The following WDR70 variants were observed in gnomAD, a reference collection of about 807,000 sequenced individuals.
The protein encoded by WDR70 is WD repeat-containing protein 70.
WDR70 carries 53 observed loss-of-function variants against 88.6 expected under a neutral mutation model. The ratio of observed to expected loss-of-function variants is 0.60; its 90% CI spans 0.48 to 0.75. The LOEUF (loss-of-function observed/expected upper bound fraction) is 0.75, where lower values mean the gene tolerates loss of function less well. Ranked by LOEUF, WDR70 falls within the 30% of genes least tolerant of loss-of-function variation. The pLI is 0.00. For missense variants in WDR70, 610 were observed against 823.2 expected, an observed-to-expected ratio of 0.74 and a Z score of 3.17; for synonymous variants, 280 against 270.0, an observed-to-expected ratio of 1.04 and a Z score of -0.36.
chr5:37,622,674 A>G (rs1219608228), intron 10 of WDR70, among the ~76,000 whole-genome samples: 2 of 149,982 alleles, frequency 1.3e-5, no homozygotes, highest in Non-Finnish European at 3.0e-5. Context: ...TCTCACTCAT[A>G]GGTGGGAATT....
intron 8 of WDR70, among the ~76,000 whole-genome samples, chr5:37,497,184 C>T (rs57424532): frequency 0.6 from 84,806 of 141,414 alleles, 26,914 homozygotes; most frequent in Non-Finnish European, 0.69. Context: ...CCTCCCTTCC[C>T]CCCTCACTCC....
chr5:37,641,012 A>G (rs558176561), intron 10 of WDR70, among the ~76,000 whole-genome samples: 76 of 152,218 alleles, frequency 5.0e-4, no homozygotes, highest in Non-Finnish European at 9.3e-4. Flanking sequence ...ATTCATTACA[A>G]GAAAACTGCT....
At chr5:37,452,720 C>G (rs573264960) in intron 7 of WDR70, among the ~76,000 whole-genome samples, 2 of 152,300 alleles carry the variant, frequency 1.3e-5, no homozygotes, top group South Asian at 4.1e-4. Context: ...AGTTTGTTGA[C>G]TGTCTTGAAG....
chr5:37,608,631 C>T (rs1477827437), intron 10 of WDR70, among the ~76,000 whole-genome samples: 1 of 151,966 alleles, frequency 6.6e-6, no homozygotes. Context: ...TTACAACTCA[C>T]TGTGTGGCCT....
At chr5:37,716,298 A>G (rs1339522988) in intron 13 of WDR70, among the ~76,000 whole-genome samples, 9 of 152,214 alleles carry the variant, frequency 5.9e-5, no homozygotes, top group African/African-American at 2.2e-4. Flanking sequence ...TGCATTGCAG[A>G]TCCCTAAGAT....
intron 9 of WDR70, among the ~76,000 whole-genome samples, chr5:37,525,719 T>C (rs751859758): frequency 9.2e-5 from 14 of 151,924 alleles, no homozygotes; most frequent in Non-Finnish European, 1.5e-5. Flanking sequence ...ATCAATAAAA[T>C]TGATAGACTG....
intron 13 of WDR70, among the ~76,000 whole-genome samples, chr5:37,705,900 CAT>C (rs1747308952): frequency 1.3e-5 from 2 of 152,154 alleles, no homozygotes; most frequent in Non-Finnish European, 2.9e-5. Flanking sequence ...TTACTGGACA[CAT>C]ATAATTGGTT....
intron 10 of WDR70, among the ~76,000 whole-genome samples, chr5:37,644,354 C>G (rs1455585569): frequency 6.6e-6 from 1 of 151,884 alleles, no homozygotes; most frequent in Non-Finnish European, 1.5e-5. Flanking sequence ...GATGAATGAT[C>G]TTTTTAGTGT....
chr5:37,631,151 G>C (rs1744805836), intron 10 of WDR70, among the ~76,000 whole-genome samples: 1 of 152,106 alleles, frequency 6.6e-6, no homozygotes, highest in South Asian at 2.1e-4. Context: ...TCACTCCCTT[G>C]CCACACTGCA....
chr5:37,722,493 TGAG>T, intron 14 of WDR70: 1 of 227,058 alleles, frequency 4.4e-6, no homozygotes, highest in Admixed American at 5.2e-5. Flanking sequence ...TGCTTTAGTC[TGAG>T]ACATAAACTA....
intron 14 of WDR70, chr5:37,722,201 T>C (rs1326625201): frequency 6.6e-6 from 1 of 152,232 alleles, no homozygotes; most frequent in African/African-American, 2.4e-5. Flanking sequence ...TCTGTTTCAC[T>C]TGAGAAAATG....
chr5:37,499,677 C>G (rs62359002), intron 8 of WDR70, among the ~76,000 whole-genome samples: 61,565 of 147,568 alleles, frequency 0.42, 15,081 homozygotes, highest in Non-Finnish European at 0.54. Context: ...ACGATCCTCC[C>G]ACCTCAGCTG....
chr5:37,389,217 C>T (rs868561653), intron 3 of WDR70, among the ~76,000 whole-genome samples: 49 of 150,212 alleles, frequency 3.3e-4, no homozygotes, highest in Middle Eastern at 3.2e-3. Context: ...CTCAGTGTCC[C>T]GAGTAGCTGG....
chr5:37,721,438 A>G, intron 14 of WDR70: 1 of 562,498 alleles, frequency 1.8e-6, no homozygotes, highest in African/African-American at 1.9e-5. Flanking sequence ...GTTTCCTGGG[A>G]ATTTGCAGTT....
chr5:37,432,556 T>G (rs1348158777), intron 5 of WDR70, among the ~76,000 whole-genome samples: 1 of 139,236 alleles, frequency 7.2e-6, no homozygotes, highest in Admixed American at 6.7e-5. Context: ...GCCCGGCTAA[T>G]TTTTGTATTT....
intron 10 of WDR70, among the ~76,000 whole-genome samples, chr5:37,666,945 T>A (rs1745858409): frequency 6.6e-6 from 1 of 152,158 alleles, no homozygotes; most frequent in Non-Finnish European, 1.5e-5. Flanking sequence ...GTTATTAGAT[T>A]CCATGCACTT....
chr5:37,707,214 A>G (rs1385535693), intron 13 of WDR70, among the ~76,000 whole-genome samples: 1 of 152,176 alleles, frequency 6.6e-6, no homozygotes, highest in East Asian at 1.9e-4. Context: ...TTGTACCAGT[A>G]TATTACCATT....
intron 10 of WDR70, among the ~76,000 whole-genome samples, chr5:37,686,613 C>T (rs78784387): frequency 6.7e-5 from 10 of 149,594 alleles, no homozygotes; most frequent in East Asian, 2.0e-4. Context: ...TGGCTTGTGC[C>T]TGTAGTCCCA....
At chr5:37,694,421 C>T (rs1746916027) in intron 10 of WDR70, among the ~76,000 whole-genome samples, 1 of 152,136 alleles carries the variant, frequency 6.6e-6, no homozygotes, top group African/African-American at 2.4e-5. Flanking sequence ...CGGCACTATT[C>T]ACAATAGCAA....
Sources: gnomAD v4.1 joint callset for allele counts (sites outside exome capture counted in the v4.1 genomes callset) on GRCh38, gnomAD v4.1.1 for gene constraint, MANE v1.5 for transcripts, NCBI Gene and HGNC (gene_info 2026-07-23, HGNC 2026-07-21) for gene names.